FRMD4A: variants seen among roughly 807,000 people sequenced by gnomAD.
FRMD4A encodes FERM domain-containing protein 4A.
FRMD4A carries 29 observed loss-of-function variants against 129.1 expected under a neutral mutation model. The observed-to-expected ratio is 0.22, with a 90% confidence interval of 0.17 to 0.31. FRMD4A has a LOEUF of 0.31. Ranked by LOEUF, FRMD4A falls within the 10% of genes least tolerant of loss-of-function variation. FRMD4A has a pLI of 1.00. For missense variants in FRMD4A, 1,272 were observed against 1,375.8 expected, an observed-to-expected ratio of 0.92 and a Z score of 1.19; for synonymous variants, 634 against 571.6, an observed-to-expected ratio of 1.11 and a Z score of -1.56.
At chr10:13,961,553 C>A (rs2095445650) in intron 2 of FRMD4A, among the ~76,000 whole-genome samples, 2 of 152,238 alleles carry the variant, frequency 1.3e-5, no homozygotes, top group Non-Finnish European at 2.9e-5. Flanking sequence ...GCCATAGCAA[C>A]TTTGGTTTGA....
chr10:13,814,945 G>A (rs1422425793), intron 3 of FRMD4A, among the ~76,000 whole-genome samples: 2 of 152,036 alleles, frequency 1.3e-5, no homozygotes, highest in Non-Finnish European at 2.9e-5. Context: ...GAATATTTGG[G>A]TCCCTTACCG....
chr10:14,224,170 A>C (rs1395607001), intron 2 of FRMD4A, among the ~76,000 whole-genome samples: 1 of 152,206 alleles, frequency 6.6e-6, no homozygotes, highest in African/African-American at 2.4e-5. Context: ...AAAAGAAAAA[A>C]AAAGTGTGCA....
intron 15 of FRMD4A, among the ~76,000 whole-genome samples, chr10:13,689,198 C>CGGGGG (rs61670615): frequency 1.5e-5 from 1 of 68,062 alleles, no homozygotes; most frequent in African/African-American, 4.5e-5. Flanking sequence ...AAACTCTTTG[C>CGGGGG]GGGGGGGGGG....
At chr10:14,261,770 G>C (rs750359663) in intron 2 of FRMD4A, among the ~76,000 whole-genome samples, 3 of 152,006 alleles carry the variant, frequency 2.0e-5, no homozygotes, top group Non-Finnish European at 4.4e-5. Context: ...AACCTGAGAG[G>C]GAGAGACAGG....
chr10:14,181,938 G>A (rs563168134), intron 2 of FRMD4A, among the ~76,000 whole-genome samples: 117 of 152,298 alleles, frequency 7.7e-4, no homozygotes, highest in African/African-American at 2.6e-3. Flanking sequence ...TGATCTGCCC[G>A]TCTCGGCCTC....
chr10:14,187,739 C>T (rs1842192946), intron 2 of FRMD4A, among the ~76,000 whole-genome samples: 1 of 152,066 alleles, frequency 6.6e-6, no homozygotes, highest in African/African-American at 2.4e-5. Context: ...AGAATGCTGT[C>T]ACAGAGAAGG....
At chr10:13,769,128 C>T (rs747214480) in intron 6 of FRMD4A, among the ~76,000 whole-genome samples, 5 of 147,230 alleles carry the variant, frequency 3.4e-5, no homozygotes, top group Non-Finnish European at 7.5e-5. Context: ...GTAGCTGGGA[C>T]GACAGGCACC....
intron 12 of FRMD4A, among the ~76,000 whole-genome samples, chr10:13,737,482 T>G (rs1008107084): frequency 6.6e-6 from 1 of 152,118 alleles, no homozygotes. Flanking sequence ...CAGACTGGCT[T>G]CAGGATTCAA....
chr10:13,747,890 G>T (rs774578217), intron 8 of FRMD4A, 71 bp from the exon 9 acceptor site: 3 of 863,304 alleles, frequency 3.5e-6, no homozygotes, highest in Non-Finnish European at 6.0e-6. Flanking sequence ...TACCACTTGG[G>T]CCGCTGTCTT....
At chr10:14,108,685 TG>T (rs1474357096) in intron 2 of FRMD4A, among the ~76,000 whole-genome samples, 1 of 152,194 alleles carries the variant, frequency 6.6e-6, no homozygotes, top group African/African-American at 2.4e-5. Context: ...ACTTAAAGGC[TG>T]GGTTTTCGCA....
At chr10:13,937,445 C>T (rs2095257999) in intron 2 of FRMD4A, among the ~76,000 whole-genome samples, 1 of 152,190 alleles carries the variant, frequency 6.6e-6, no homozygotes, top group African/African-American at 2.4e-5. Context: ...ACCCAACGCC[C>T]AGCCTTTAAA....
At chr10:13,662,593 G>A (rs192589208) in intron 19 of FRMD4A, among the ~76,000 whole-genome samples, 1 of 152,302 alleles carries the variant, frequency 6.6e-6, no homozygotes, top group African/African-American at 2.4e-5. Flanking sequence ...GGTGATGGGG[G>A]TTGGGGGAGG....
chr10:13,725,637 C>T (rs2089836600), intron 12 of FRMD4A, among the ~76,000 whole-genome samples: 1 of 152,160 alleles, frequency 6.6e-6, no homozygotes, highest in African/African-American at 2.4e-5. Context: ...GGCTGGTGCC[C>T]TTGGGAGCTT....
intron 2 of FRMD4A, among the ~76,000 whole-genome samples, chr10:14,246,618 C>T (rs1208945242): frequency 6.6e-6 from 1 of 152,198 alleles, no homozygotes; most frequent in African/African-American, 2.4e-5. Flanking sequence ...TGCGCACACA[C>T]ACGCACATAC....
chr10:14,260,365 C>T (rs1303003076), intron 2 of FRMD4A, among the ~76,000 whole-genome samples: 2 of 152,192 alleles, frequency 1.3e-5, no homozygotes, highest in Non-Finnish European at 2.9e-5. Flanking sequence ...ACTGTCCAGT[C>T]TGCAAATATT....
chr10:14,132,456 G>T (rs907471226), intron 2 of FRMD4A, among the ~76,000 whole-genome samples: 2 of 152,202 alleles, frequency 1.3e-5, no homozygotes, highest in African/African-American at 4.8e-5. Flanking sequence ...TCTCCTGGGA[G>T]CAGACAGCAA....
intron 3 of FRMD4A, among the ~76,000 whole-genome samples, chr10:13,858,244 A>G (rs2094240653): frequency 1.3e-5 from 2 of 152,252 alleles, no homozygotes; most frequent in South Asian, 2.1e-4. Context: ...GACCAGTCTG[A>G]CCAGCATGGA....
At chr10:13,878,452 A>G (rs1410169427) in intron 2 of FRMD4A, among the ~76,000 whole-genome samples, 1 of 152,198 alleles carries the variant, frequency 6.6e-6, no homozygotes, top group Non-Finnish European at 1.5e-5. Context: ...CAAAACCTTC[A>G]GAAAAGACCT....
intron 15 of FRMD4A, chr10:13,684,816 C>T (rs548774764): frequency 6.1e-6 from 6 of 982,032 alleles, no homozygotes; most frequent in Middle Eastern, 5.2e-4. Context: ...AGAAAGGAAT[C>T]GGTTGTTCTA....
Sources: gnomAD v4.1 joint callset for allele counts (sites outside exome capture counted in the v4.1 genomes callset) on GRCh38, gnomAD v4.1.1 for gene constraint, MANE v1.5 for transcripts, NCBI Gene and HGNC (gene_info 2026-07-23, HGNC 2026-07-21) for gene names.